CACNA2D2: variants seen among roughly 807,000 people sequenced by gnomAD.
The protein encoded by CACNA2D2 is voltage-dependent calcium channel subunit alpha-2/delta-2.
In CACNA2D2, 48 loss-of-function variants were observed where a neutral mutation model predicts 166.4. The ratio of observed to expected loss-of-function variants is 0.29; its 90% CI spans 0.23 to 0.37. The LOEUF (loss-of-function observed/expected upper bound fraction) is 0.37. Ranked by LOEUF, CACNA2D2 falls within the 10% of genes least tolerant of loss-of-function variation. The pLI is 1.00. For synonymous variants in CACNA2D2, 561 were observed against 573.7 expected (o/e 0.98, Z 0.32); for missense variants, 1,122 against 1,433.0 (o/e 0.78, Z 3.50).
chr3:50,493,732 C>T (rs1698610939), intron 1 of CACNA2D2, among the ~76,000 whole-genome samples: 1 of 152,256 alleles, frequency 6.6e-6, no homozygotes, highest in South Asian at 2.1e-4. Flanking sequence ...TCAATGCCTA[C>T]TCCTCAAGGG....
At chr3:50,421,650 T>A (rs1443742323) in intron 3 of CACNA2D2, among the ~76,000 whole-genome samples, 1 of 152,116 alleles carries the variant, frequency 6.6e-6, no homozygotes, top group Non-Finnish European at 1.5e-5. Context: ...CACAGGAAGA[T>A]GATCTGGGAC....
intron 2 of CACNA2D2, among the ~76,000 whole-genome samples, chr3:50,469,015 G>C (rs142093085): frequency 6.6e-6 from 1 of 151,970 alleles, no homozygotes; most frequent in African/African-American, 2.4e-5. Context: ...TTTTAGTATA[G>C]ACAGGGTTTT....
At chr3:50,503,877 C>T (rs1699096550), upstream of CACNA2D2, among the ~76,000 whole-genome samples, 1 of 152,100 alleles carries the variant, frequency 6.6e-6, no homozygotes, top group Non-Finnish European at 1.5e-5. Context: ...GCCCCCGCCC[C>T]CACACCTCAG....
chr3:50,473,522 C>A (rs1034005358), intron 2 of CACNA2D2, among the ~76,000 whole-genome samples: 1 of 152,222 alleles, frequency 6.6e-6, no homozygotes, highest in African/African-American at 2.4e-5. Flanking sequence ...CCACTGGGGG[C>A]CAAGGCTGTC....
chr3:50,455,768 A>G (rs1194973123), intron 2 of CACNA2D2, among the ~76,000 whole-genome samples: 5 of 152,206 alleles, frequency 3.3e-5, no homozygotes, highest in Admixed American at 3.3e-4. Flanking sequence ...GGCAGCTTCC[A>G]GAAGATCTCA....
intron 1 of CACNA2D2, among the ~76,000 whole-genome samples, chr3:50,480,355 A>G (rs1258872760): frequency 6.6e-6 from 1 of 152,124 alleles, no homozygotes; most frequent in African/African-American, 2.4e-5. Context: ...GGTCAAATCC[A>G]CAGGCTTTTA....
chr3:50,497,056 A>C (rs995531731), intron 1 of CACNA2D2, among the ~76,000 whole-genome samples: 2 of 152,188 alleles, frequency 1.3e-5, no homozygotes, highest in African/African-American at 2.4e-5. Context: ...AATTAGGCTG[A>C]TCAGAACTCA....
chr3:50,471,645 C>T (rs750746088), intron 2 of CACNA2D2, among the ~76,000 whole-genome samples: 5 of 152,108 alleles, frequency 3.3e-5, no homozygotes, highest in Non-Finnish European at 5.9e-5. Context: ...TTGGTGGTGC[C>T]GGCTGAGGTG....
intron 1 of CACNA2D2, among the ~76,000 whole-genome samples, chr3:50,492,570 C>T (rs1184124424): frequency 1.3e-5 from 2 of 152,220 alleles, no homozygotes; most frequent in African/African-American, 4.8e-5. Flanking sequence ...CCAACTGGTC[C>T]CACAGTTCTC....
rs1707882701 is a variant in CACNA2D2, at chr3:50,427,968, G to T, written c.405+6345C>A. 6.6e-6 allele frequency among the ~76,000 whole-genome samples: 1 copy of T among 152,108 alleles called. No individual in the cohort carries two copies. Among genetic ancestry groups the T allele is most frequent in the Non-Finnish European group, 1.5e-5 (1 of 68,016 alleles). On this transcript the variant is annotated intron_variant, in intron 3 of 37. Transcript: ENST00000424201. The surrounding 1 kb of genome is among the most constrained non-coding windows in gnomAD (Gnocchi z 4.7). ...CCCAACATCTTGCTGCCTCCTCCAG[G>T]CAGCCTTCCTGTGACCTCTTTGGAC...
chr3:50,418,095 A>C (rs1351694919), intron 3 of CACNA2D2, among the ~76,000 whole-genome samples: 1 of 152,024 alleles, frequency 6.6e-6, no homozygotes, highest in Non-Finnish European at 1.5e-5. Context: ...TTGTGCTCCT[A>C]TTGGCCCAAA....
intron 2 of CACNA2D2, among the ~76,000 whole-genome samples, chr3:50,454,488 C>A (rs1431568176): frequency 1.3e-5 from 2 of 152,150 alleles, no homozygotes; most frequent in Admixed American, 1.3e-4. Context: ...CCGAGGAGAG[C>A]GGAGCCTCCA....
chr3:50,458,181 C>T (rs1709446455), intron 2 of CACNA2D2, among the ~76,000 whole-genome samples: 4 of 152,348 alleles, frequency 2.6e-5, no homozygotes, highest in South Asian at 4.1e-4. Flanking sequence ...CTGCTGGCTG[C>T]GTAAGCCAGG....
At chr3:50,428,827 C>G (rs1707923489) in intron 3 of CACNA2D2, among the ~76,000 whole-genome samples, 1 of 152,196 alleles carries the variant, frequency 6.6e-6, no homozygotes. Flanking sequence ...TTCCCTTGAC[C>G]CTGTCCCACT....
At chr3:50,456,255 A>G (rs943366610) in intron 2 of CACNA2D2, among the ~76,000 whole-genome samples, 4 of 152,328 alleles carry the variant, frequency 2.6e-5, no homozygotes, top group Admixed American at 2.6e-4. Flanking sequence ...ATTAGCACCT[A>G]GCCTGAGTTC....
In CACNA2D2 at chr3:50,380,261, AG is replaced by A. The variant is rs1212362513; in HGVS notation, c.843-244del. Among the ~76,000 whole-genome samples, 2 of 152,202 alleles carry A rather than the reference AG, an allele frequency of 1.3e-5. No homozygotes were observed. The highest frequency in any genetic ancestry group is 1.5e-5 in the Non-Finnish European group (1 of 68,040). On this transcript the variant is annotated intron_variant, in intron 8 of 37. Coordinates refer to ENST00000424201, the MANE Select transcript of CACNA2D2 (RefSeq NM_006030.4). The surrounding 1 kb of genome is among the most constrained non-coding windows in gnomAD (Gnocchi z 4.9). ...GGGTATATGAGCAGGTGATCCCCAGAGGGGGCAGGAGCCACATTCCCTGGCT... is the reference window on the plus strand; with the variant it reads ...GGGTATATGAGCAGGTGATCCCCAGAGGGGCAGGAGCCACATTCCCTGGCT...
In CACNA2D2 at chr3:50,446,722, C is replaced by T. The variant is rs541908567; in HGVS notation, c.289-12293G>A. ...CAGGAAGCCAGTCCCTTCAGGATAA[C>T]AAGCCCCTAATTCATTTGCCTGGTG... is the stretch of plus-strand genomic sequence containing the variant. On this transcript the variant is annotated intron_variant, in intron 2 of 37. Coordinates refer to ENST00000424201, the MANE Select transcript of CACNA2D2 (RefSeq NM_006030.4). Among the ~76,000 whole-genome samples, 104 of 152,238 alleles carry T rather than the reference C, an allele frequency of 6.8e-4. 1 individual carries two copies. Among genetic ancestry groups the T allele is most frequent in the Admixed American group, 3.8e-3 (58 of 15,288 alleles).
chr3:50,470,598 G>A (rs1710031076), intron 2 of CACNA2D2, among the ~76,000 whole-genome samples: 1 of 121,460 alleles, frequency 8.2e-6, no homozygotes, highest in African/African-American at 3.4e-5. Context: ...GGGGGAGGGG[G>A]CGGGGGGGGG....
chr3:50,476,830 C>T (rs1249664786), intron 1 of CACNA2D2, among the ~76,000 whole-genome samples: 1 of 152,180 alleles, frequency 6.6e-6, no homozygotes, highest in Admixed American at 6.5e-5. Flanking sequence ...ACTCAGGAGT[C>T]CACTGCAGAC....
Sources: allele counts gnomAD v4.1 joint callset (sites outside exome capture counted in the v4.1 genomes callset), GRCh38; gene constraint gnomAD v4.1.1; non-coding constraint Gnocchi (gnomAD v3.1); transcripts MANE v1.5; gene names NCBI Gene and HGNC (gene_info 2026-07-23, HGNC 2026-07-21).